The following GALNT2 variants were observed in gnomAD, a reference collection of about 807,000 sequenced individuals.
The protein encoded by GALNT2 is polypeptide N-acetylgalactosaminyltransferase 2.
Under a neutral mutation model 81.4 loss-of-function variants are expected in GALNT2, and 31 were observed. The ratio of observed to expected loss-of-function variants is 0.38; its 90% CI spans 0.29 to 0.51. The LOEUF (loss-of-function observed/expected upper bound fraction) is 0.51. GALNT2 is among the 20% of genes least tolerant of loss of function. The pLI is 0.87. For synonymous variants in GALNT2, 303 were observed against 287.4 expected (o/e 1.05, Z -0.55); for missense variants, 629 against 765.7 (o/e 0.82, Z 2.11).
chr1:230,082,725 G>A (rs75121342), intron 1 of GALNT2, among the ~76,000 whole-genome samples: 6,819 of 152,350 alleles, frequency 0.045, 173 homozygotes, highest in South Asian at 0.076. Context: ...CATACGCACT[G>A]GAGTGCTAGT....
chr1:230,067,189 C>T, upstream of GALNT2: 2 of 768,206 alleles, frequency 2.6e-6, no homozygotes, highest in South Asian at 5.8e-5. Context: ...CTTCCCCTTC[C>T]TCCGCTCCTC....
chr1:230,075,500 C>T (rs556484635), intron 1 of GALNT2, among the ~76,000 whole-genome samples: 1 of 152,334 alleles, frequency 6.6e-6, no homozygotes, highest in South Asian at 2.1e-4. Flanking sequence ...CTGAAGGCCG[C>T]AATCCTCAGC....
At chr1:230,274,631 C>T (rs897461684) in intron 15 of GALNT2, 67 bp downstream of exon 15, 1 of 1,593,610 alleles carries the variant, frequency 6.3e-7, no homozygotes, top group Non-Finnish European at 8.6e-7. Flanking sequence ...GGCCTGCGCC[C>T]TCTTGCTCTG....
chr1:230,261,914 G>A (rs932466840), intron 11 of GALNT2: 2 of 152,204 alleles, frequency 1.3e-5, no homozygotes, highest in Non-Finnish European at 2.9e-5. Flanking sequence ...AGGAAGCTCA[G>A]GCAGGAGAAT....
At chr1:230,270,844 A>T (rs1386378159) in intron 14 of GALNT2, among the ~76,000 whole-genome samples, 1 of 152,362 alleles carries the variant, frequency 6.6e-6, no homozygotes, top group East Asian at 1.9e-4. Context: ...AATATTTATG[A>T]ACTTTATTTT....
intron 1 of GALNT2, among the ~76,000 whole-genome samples, chr1:230,132,576 A>G (rs1661402448): frequency 6.6e-6 from 1 of 152,218 alleles, no homozygotes; most frequent in East Asian, 1.9e-4. Flanking sequence ...AAGGGACTGT[A>G]CTAGAGAGGT....
chr1:230,221,488 T>C (rs1053446241), intron 3 of GALNT2, among the ~76,000 whole-genome samples: 1 of 152,366 alleles, frequency 6.6e-6, no homozygotes, highest in Middle Eastern at 3.4e-3. Flanking sequence ...TGAAGATTCA[T>C]AGCTGAAAGT....
exon 1 of GALNT2, chr1:230,058,003 C>T (rs1490591250): frequency 2.9e-5 from 13 of 456,028 alleles, no homozygotes; most frequent in Non-Finnish European, 4.4e-5. Context: ...TGTACACGAA[C>T]GAAAAGCACT....
intron 1 of GALNT2, among the ~76,000 whole-genome samples, chr1:230,171,803 A>C (rs6541300): frequency 0.14 from 20,576 of 152,106 alleles, 2,377 homozygotes; most frequent in African/African-American, 0.3. Flanking sequence ...AAATGTTACC[A>C]GAGGTGGTAA....
chr1:230,212,982 T>A (rs946766208), intron 3 of GALNT2, among the ~76,000 whole-genome samples: 1 of 152,228 alleles, frequency 6.6e-6, no homozygotes, highest in African/African-American at 2.4e-5. Flanking sequence ...AGGGCCCGTT[T>A]CAAGTCTCCT....
chr1:230,190,308 GTGC>G lies in GALNT2; in HGVS notation c.220+12001_220+12003del, dbSNP rs1663479426. Among the ~76,000 whole-genome samples the G allele has an allele frequency of 6.6e-5, 10 of 152,344 alleles. No individual in the cohort carries two copies. In the South Asian group the frequency reaches 2.1e-3, roughly 32 times the overall value. On this transcript the variant is annotated intron_variant, in intron 2 of 15. Coordinates refer to ENST00000366672, the MANE Select transcript of GALNT2 (RefSeq NM_004481.5). ...GCCCTGGGCGTATACCCAGGTGGGT[GTGC>G]TGCCCCCATAGCTGAGACGAAGGGG...
intron 1 of GALNT2, among the ~76,000 whole-genome samples, chr1:230,093,178 G>A (rs147505658): frequency 1.3e-5 from 2 of 152,350 alleles, no homozygotes; most frequent in African/African-American, 2.4e-5. Flanking sequence ...AAGGAAGCAT[G>A]TTGGGTTGCA....
At chr1:230,138,215 G>A (rs980650785) in intron 1 of GALNT2, among the ~76,000 whole-genome samples, 3 of 152,146 alleles carry the variant, frequency 2.0e-5, no homozygotes, top group Admixed American at 6.5e-5. Context: ...TAAAGTGAAA[G>A]CGAGTTTATT....
intron 1 of GALNT2, among the ~76,000 whole-genome samples, chr1:230,112,089 C>G (rs1201704860): frequency 1.3e-5 from 2 of 152,174 alleles, no homozygotes; most frequent in African/African-American, 2.4e-5. Flanking sequence ...GGCATGAGAA[C>G]TGGGACCTGG....
chr1:230,191,670 C>A (rs1239928752), intron 2 of GALNT2, among the ~76,000 whole-genome samples: 1 of 152,148 alleles, frequency 6.6e-6, no homozygotes, highest in Non-Finnish European at 1.5e-5. Flanking sequence ...TGCCACTATG[C>A]CAGACACATT....
In GALNT2 at chr1:230,130,737, G is replaced by A. The variant is rs375891426; in HGVS notation, c.127-47481G>A. ...AATTTACACTCCAGCAGGTTTGGAA[G>A]TCTCGGCGACAGCTCCTGTATGTTC... is the stretch of plus-strand genomic sequence containing the variant. On this transcript the variant is annotated intron_variant, in intron 1 of 15. Transcript: ENST00000366672. Among the ~76,000 whole-genome samples, 62 of 152,366 alleles carry A rather than the reference G, an allele frequency of 4.1e-4. No homozygotes were observed. In the East Asian group the frequency reaches 9.7e-3, roughly 24 times the overall value.
At chr1:230,247,622 C>T (rs1469470235) in intron 8 of GALNT2, among the ~76,000 whole-genome samples, 2 of 152,078 alleles carry the variant, frequency 1.3e-5, no homozygotes, top group South Asian at 2.1e-4. Flanking sequence ...CCCAAGTATT[C>T]GAAGAGCTGA....
intron 1 of GALNT2, among the ~76,000 whole-genome samples, chr1:230,158,684 C>G (rs1558115640): frequency 6.6e-6 from 1 of 152,208 alleles, no homozygotes; most frequent in Non-Finnish European, 1.5e-5. Flanking sequence ...TTTCCCTCCA[C>G]GTAAACCAAG....
intron 14 of GALNT2, among the ~76,000 whole-genome samples, chr1:230,267,152 A>T (rs780164511): frequency 6.6e-6 from 1 of 152,228 alleles, no homozygotes; most frequent in Non-Finnish European, 1.5e-5. Flanking sequence ...TGTTACTCAG[A>T]TGCAGAGCTT....
Sources: gnomAD v4.1 joint callset for allele counts (sites outside exome capture counted in the v4.1 genomes callset) on GRCh38, gnomAD v4.1.1 for gene constraint, MANE v1.5 for transcripts, NCBI Gene and HGNC (gene_info 2026-07-23, HGNC 2026-07-21) for gene names.